Variants in CD86 observed in about 807,000 individuals in gnomAD.
The protein encoded by CD86 is CD86 molecule, also known as T-lymphocyte activation antigen CD86.
CD86 carries 11 observed loss-of-function variants against 32.1 expected under a neutral mutation model. The ratio of observed to expected loss-of-function variants is 0.34; its 90% CI spans 0.22 to 0.57. The LOEUF (loss-of-function observed/expected upper bound fraction) is 0.57, where lower values mean the gene tolerates loss of function less well. CD86 is among the 20% of genes least tolerant of loss of function. The pLI is 0.86. For missense variants in CD86, 359 were observed against 398.4 expected (o/e 0.90, Z 0.84); for synonymous variants, 137 against 135.3 (o/e 1.01, Z -0.09).
chr3:122,082,390 A>G (rs1467172387), intron 1 of CD86, among the ~76,000 whole-genome samples: 2 of 152,222 alleles, frequency 1.3e-5, no homozygotes, highest in Admixed American at 6.5e-5. Flanking sequence ...CTTCAGGTTC[A>G]TTACCCTAGT....
intron 1 of CD86, among the ~76,000 whole-genome samples, chr3:122,062,850 T>C (rs1238161426): frequency 6.6e-6 from 1 of 152,196 alleles, no homozygotes; most frequent in East Asian, 1.9e-4. Context: ...TCACATTCTT[T>C]GCTTTAAAAT....
chr3:122,114,038 A>G (rs1027120411), intron 5 of CD86, among the ~76,000 whole-genome samples: 16 of 151,954 alleles, frequency 1.1e-4, no homozygotes, highest in African/African-American at 3.9e-4. Flanking sequence ...ATCACCTTAG[A>G]TCAGGAGTTC....
chr3:122,102,460 T>G lies in CD86; in HGVS notation c.65-1052T>G, dbSNP rs563024535. Among the ~76,000 whole-genome samples, 5 of 122,102 alleles carry G rather than the reference T, an allele frequency of 4.1e-5. No homozygotes were observed. In the South Asian group the frequency reaches 1.4e-3, roughly 35 times the overall value. The allele number at this position is 122,102 out of a possible 152,430, so 80.1% of individuals were successfully genotyped here. A position where few individuals can be genotyped will look rare whatever the true frequency, so the allele number is the denominator to read the frequency against. On this transcript the variant is annotated intron_variant, in intron 2 of 6. Coordinates refer to ENST00000330540, the MANE Select transcript of CD86 (RefSeq NM_175862.5). ...CCAAGTCTCAAGTAATTCTGTAACC[T>G]AGAAAAGGTCCTACACAAACCCCGT... is the stretch of plus-strand genomic sequence containing the variant.
chr3:122,058,599 G>A (rs1300718248), intron 1 of CD86, among the ~76,000 whole-genome samples: 2 of 152,134 alleles, frequency 1.3e-5, no homozygotes, highest in African/African-American at 4.8e-5. Context: ...TTTAAGTATA[G>A]CTTTGAGAAG....
At chr3:122,092,175 C>G (rs1050433228) in intron 2 of CD86, 1 of 152,450 alleles carries the variant, frequency 6.6e-6, no homozygotes, top group South Asian at 2.1e-4. Context: ...ATGGTTGCCA[C>G]GGCTTCCTGA....
intron 1 of CD86, among the ~76,000 whole-genome samples, chr3:122,080,375 A>G (rs978627178): frequency 6.6e-6 from 1 of 152,128 alleles, no homozygotes; most frequent in African/African-American, 2.4e-5. Flanking sequence ...TCTAGATACA[A>G]CTCGGAGAAC....
chr3:122,106,169 A>T lies in CD86; in HGVS notation c.401-29A>T, dbSNP rs542056482. The T allele has an allele frequency of 1.8e-5, 27 of 1,507,094 alleles. No individual in the cohort carries two copies. In the South Asian group the frequency reaches 3.2e-4, roughly 18 times the overall value. 93.4% of individuals were successfully genotyped at this position (1,507,094 alleles called of 1,614,324 possible). A position where few individuals can be genotyped will look rare whatever the true frequency, so the allele number is the denominator to read the frequency against. ...CCTAGATACATCTAAACTTAGATTG[A>T]TTTTTTTTTATCTCTCTTCTGCTTT... On this transcript the variant is annotated intron_variant, in intron 3 of 6. Coordinates refer to ENST00000330540, the MANE Select transcript of CD86 (RefSeq NM_175862.5).
At chr3:122,086,122 C>T (rs2072714122) in intron 1 of CD86, among the ~76,000 whole-genome samples, 1 of 152,118 alleles carries the variant, frequency 6.6e-6, no homozygotes, top group Admixed American at 6.5e-5. Context: ...AGGTGGGGGA[C>T]CAAGGCCTAC....
rs896614284 is a variant in CD86, at chr3:122,120,343, T to C, written c.*809T>C. On this transcript the variant is annotated 3_prime_UTR_variant, in exon 7 of 7. Transcript: ENST00000330540. The stretch of plus-strand genomic sequence containing the variant: ...CTGTTTCTCTTGAAGAACTGACTAG[T>C]GAGATGGCCTGGGGAAGCTGTGAAA... 1.8e-4 allele frequency: 27 copies of C among 152,008 alleles called. No individual in the cohort carries two copies. Among genetic ancestry groups the C allele is most frequent in the African/African-American group, 6.3e-4 (26 of 41,344 alleles). 9.4% of individuals were successfully genotyped at this position (152,008 alleles called of 1,614,324 possible).
chr3:122,056,995 G>A (rs562098813), intron 1 of CD86, among the ~76,000 whole-genome samples: 1 of 152,286 alleles, frequency 6.6e-6, no homozygotes, highest in East Asian at 1.9e-4. Context: ...ATTAAACAAT[G>A]TCTGTTCTCA....
chr3:122,056,194 A>G (rs1447532887), intron 1 of CD86, among the ~76,000 whole-genome samples: 1 of 152,100 alleles, frequency 6.6e-6, no homozygotes, highest in Non-Finnish European at 1.5e-5. Flanking sequence ...ACTATTCATA[A>G]GGGGTAGAGC....
At chr3:122,087,181 C>T (rs1017386786) in intron 1 of CD86, among the ~76,000 whole-genome samples, 12 of 152,242 alleles carry the variant, frequency 7.9e-5, no homozygotes, top group African/African-American at 2.9e-4. Flanking sequence ...CTGGAGTGAA[C>T]CTCCATTTAC....
chr3:122,094,005 G>A (rs1164092835), intron 2 of CD86, among the ~76,000 whole-genome samples: 1 of 152,164 alleles, frequency 6.6e-6, no homozygotes, highest in Non-Finnish European at 1.5e-5. Flanking sequence ...AACAGCTTTG[G>A]TGGATAATAT....
intron 3 of CD86, among the ~76,000 whole-genome samples, chr3:122,104,064 T>C (rs1462272139): frequency 6.6e-6 from 1 of 152,172 alleles, no homozygotes; most frequent in Non-Finnish European, 1.5e-5. Context: ...TATAGTCTGC[T>C]TCTGAAGGAT....
At chr3:122,071,312 A>G (rs1471707348) in intron 1 of CD86, among the ~76,000 whole-genome samples, 1 of 152,060 alleles carries the variant, frequency 6.6e-6, no homozygotes, top group Non-Finnish European at 1.5e-5. Flanking sequence ...ACCCCTGGAA[A>G]CCACTGATCT....
At chr3:122,086,135 G>C (rs1270139622) in intron 1 of CD86, among the ~76,000 whole-genome samples, 1 of 152,138 alleles carries the variant, frequency 6.6e-6, no homozygotes, top group Non-Finnish European at 1.5e-5. Flanking sequence ...AGGCCTACAT[G>C]TCTTTACAAC....
At chr3:122,091,323 T>C (rs373802134) in intron 1 of CD86, among the ~76,000 whole-genome samples, 1 of 152,232 alleles carries the variant, frequency 6.6e-6, no homozygotes, top group African/African-American at 2.4e-5. Flanking sequence ...GAAGAGACTT[T>C]AGCAGCCAGA....
chr3:122,084,336 G>GT (rs539472405), intron 1 of CD86, among the ~76,000 whole-genome samples: 251 of 152,304 alleles, frequency 1.6e-3, no homozygotes, highest in Non-Finnish European at 2.8e-3. Context: ...GAGTCAAGCA[G>GT]TTTTTTCTAT....
At chr3:122,108,644 G>C (rs957861810) in intron 4 of CD86, among the ~76,000 whole-genome samples, 17 of 152,186 alleles carry the variant, frequency 1.1e-4, no homozygotes, top group Admixed American at 1.0e-3. Flanking sequence ...AGTAGTTCCT[G>C]AAGGCGTGAA....
Sources: gnomAD v4.1 joint callset for allele counts (sites outside exome capture counted in the v4.1 genomes callset) on GRCh38, gnomAD v4.1.1 for gene constraint, MANE v1.5 for transcripts, NCBI Gene and HGNC (gene_info 2026-07-23, HGNC 2026-07-21) for gene names.